The following DHX57 variants were observed in gnomAD, a reference collection of about 807,000 sequenced individuals.
DHX57 encodes putative ATP-dependent RNA helicase DHX57.
DHX57 carries 105 observed loss-of-function variants against 156.2 expected under a neutral mutation model. The ratio of observed to expected loss-of-function variants is 0.67; its 90% CI spans 0.57 to 0.79. The LOEUF (loss-of-function observed/expected upper bound fraction) is 0.79, where lower values mean the gene tolerates loss of function less well. Among genes scored for constraint, DHX57 ranks in the 30% least tolerant of loss-of-function variants. DHX57 has a pLI of 0.00. For synonymous variants in DHX57, 704 were observed against 595.6 expected (o/e 1.18, Z -2.65); for missense variants, 1,847 against 1,661.9 (o/e 1.11, Z -1.94).
intron 12 of DHX57, among the ~76,000 whole-genome samples, chr2:38,840,022 C>T (rs1036883104): frequency 7.0e-4 from 107 of 152,286 alleles, no homozygotes; most frequent in African/African-American, 2.3e-3. Flanking sequence ...TCATGGCTTA[C>T]TGCAGCCTTG....
chr2:38,832,526 T>C (rs1231777600), intron 13 of DHX57, among the ~76,000 whole-genome samples: 5 of 138,144 alleles, frequency 3.6e-5, no homozygotes, highest in Non-Finnish European at 7.6e-5. Flanking sequence ...TATGATCACA[T>C]AGATTAATAT....
chr2:38,809,275 G>A (rs3112214), intron 21 of DHX57, among the ~76,000 whole-genome samples: 142,175 of 151,756 alleles, frequency 0.94, 67,295 homozygotes, highest in East Asian at 1. Context: ...ATGTACCACC[G>A]TGCCTGGCTA....
In DHX57 at chr2:38,861,832, C is replaced by T. The variant is rs1673240556; in HGVS notation, c.578G>A (p.Gly193Asp). The change falls in exon 5 of 24, where the codon GGT becomes GAT. Residue 193 changes from glycine (G) to aspartate (D), a missense_variant. By Grantham distance (94) the Gly-to-Asp change is moderately conservative. Transcript: ENST00000457308. ...PFAVQKLSRY[G>D]FNTERCQAVL... The stretch of plus-strand genomic sequence containing the variant: ...CGCTTGACAGCGTTCAGTATTGAAA[C>T]CATACCTGTCAAGGGCAAAACATGA... 1.9e-6 allele frequency: 3 copies of T among 1,590,550 alleles called. No homozygotes were observed. The highest frequency in any genetic ancestry group is 2.6e-6 in the Non-Finnish European group (3 of 1,168,154).
chr2:38,862,162 T>C lies in DHX57; in HGVS notation c.555A>G (p.Ala185=). 1 of 1,596,838 alleles carries C rather than the reference T, an allele frequency of 6.3e-7. No homozygotes were observed. The highest frequency in any genetic ancestry group is 8.5e-7 in the Non-Finnish European group (1 of 1,170,798). The change falls in exon 4 of 24, where the codon GCA becomes GCG. Residue 185 remains alanine, a synonymous_variant. Transcript: ENST00000457308. The part of the protein sequence containing the change: ...YVPEFTVSPF[A]VQKLSRYGFN... ...GCAATCACCTGGAAAGTTTTTGCAC[T>C]GCAAATGGGGAGACTGTAAATTCTG...
At chr2:38,803,287 T>C (rs933449648) in intron 22 of DHX57, among the ~76,000 whole-genome samples, 5 of 151,802 alleles carry the variant, frequency 3.3e-5, no homozygotes, top group African/African-American at 1.2e-4. Context: ...CCAGATGGAA[T>C]TCTTGATTCT....
At chr2:38,832,847 T>C (rs1671453340) in intron 13 of DHX57, among the ~76,000 whole-genome samples, 2 of 152,012 alleles carry the variant, frequency 1.3e-5, no homozygotes, top group African/African-American at 4.8e-5. Flanking sequence ...CAACATAAAG[T>C]AATTTTTTGA....
intron 10 of DHX57, among the ~76,000 whole-genome samples, chr2:38,847,865 T>C (rs1338701423): frequency 3.3e-5 from 5 of 151,976 alleles, no homozygotes; most frequent in African/African-American, 1.2e-4. Flanking sequence ...GGGCAGATCG[T>C]GAGGTCAGGA....
chr2:38,812,447 T>G (rs1670297528), intron 21 of DHX57, among the ~76,000 whole-genome samples: 1 of 152,214 alleles, frequency 6.6e-6, no homozygotes, highest in Non-Finnish European at 1.5e-5. Context: ...TAGGGATGGA[T>G]AATCAAAACT....
chr2:38,807,678 G>C (rs564610157), intron 21 of DHX57, among the ~76,000 whole-genome samples: 1 of 139,102 alleles, frequency 7.2e-6, no homozygotes, highest in East Asian at 2.2e-4. Flanking sequence ...ACGGAGTTTC[G>C]CTCTTGTTGC....
intron 6 of DHX57, 42 bp from the exon 7 acceptor site, chr2:38,856,503 CTTTT>C (rs372510406): frequency 2.9e-3 from 4,018 of 1,372,316 alleles, no homozygotes; most frequent in East Asian, 7.8e-3. Flanking sequence ...GTTACTTTTT[CTTTT>C]TTTTTTTTTT....
chr2:38,862,276 C>A lies in DHX57; in HGVS notation c.441G>T (p.Arg147=), dbSNP rs1181542907. The A allele has an allele frequency of 9.9e-6, 16 of 1,611,992 alleles. No homozygotes were observed. The highest frequency in any genetic ancestry group is 1.7e-5 in the Admixed American group (1 of 59,950). Residue 147 remains arginine (R), a synonymous_variant, in exon 4 of 24, where the codon CGG becomes CGT. Coordinates refer to ENST00000457308, the MANE Select transcript of DHX57 (RefSeq NM_198963.3). ...DDEPDCCNDE[R]YWPAGQEPSL... Reference sequence around the variant, plus strand: ...AAGGTTCCTGTCCAGCTGGCCAGTACCGCTCATCGTTACAGCAATCAGGCT... The same window carrying A: ...AAGGTTCCTGTCCAGCTGGCCAGTAACGCTCATCGTTACAGCAATCAGGCT...
intron 1 of DHX57, among the ~76,000 whole-genome samples, chr2:38,873,675 C>T (rs183130974): frequency 6.6e-5 from 10 of 152,238 alleles, no homozygotes; most frequent in African/African-American, 2.2e-4. Context: ...ATTCATTCCA[C>T]AAATATTTAT....
Position 38,823,203 on chromosome 2 carries a change from A to G in DHX57, c.3081T>C (p.Pro1027=). 1 of 1,614,162 alleles carries G rather than the reference A, an allele frequency of 6.2e-7. No individual in the cohort carries two copies. The highest frequency in any genetic ancestry group is 8.5e-7 in the Non-Finnish European group (1 of 1,180,020). Residue 1027 remains proline (P), a synonymous_variant, in exon 17 of 24, where the codon CCT becomes CCC. Transcript: ENST00000457308. The stretch of plus-strand genomic sequence containing the variant: ...AGGCACGAAGAGAATCGGTGTGTGG[A>G]GGTTCAATGAGCCGAGAGAACACAG... ...LQSVFSRLIE[P]PHTDSLRASK...
At chr2:38,802,597 C>T (rs1342851859) in intron 23 of DHX57, 118 bp downstream of exon 23, 1 of 1,297,760 alleles carries the variant, frequency 7.7e-7, no homozygotes, top group Non-Finnish European at 1.1e-6. Flanking sequence ...CACCGTCATT[C>T]ATTTTTAATT....
chr2:38,867,575 T>A (rs575723550), intron 2 of DHX57, among the ~76,000 whole-genome samples: 1 of 152,178 alleles, frequency 6.6e-6, no homozygotes, highest in Non-Finnish European at 1.5e-5. Flanking sequence ...TGTTTGTTTT[T>A]TGAGATGGAG....
rs1008697501 is a variant in DHX57, at chr2:38,873,685, T to C, written c.-7+2102A>G. 3.3e-5 allele frequency among the ~76,000 whole-genome samples: 5 copies of C among 152,374 alleles called. No individual in the cohort carries two copies. The East Asian group carries it at 5.8e-4, about 18-fold the overall frequency. ...TATTTATTCATTCCACAAATATTTA[T>C]TGAGCACTTATTATGTGCCAGATCC... On this transcript the variant is annotated intron_variant, in intron 1 of 23. Transcript: ENST00000457308.
In DHX57 at chr2:38,875,793, C is replaced by T. The variant is rs1665588140; in HGVS notation, c.-13G>A. On this transcript the variant is annotated 5_prime_UTR_variant, in exon 1 of 24. Coordinates refer to ENST00000457308, the MANE Select transcript of DHX57 (RefSeq NM_198963.3). ...GCAGAAGTGGAAGACGTACCTGGCTCGCAGAGTTGGGTCCCGAGCCGGCTG... is the reference window on the plus strand; with the variant it reads ...GCAGAAGTGGAAGACGTACCTGGCTTGCAGAGTTGGGTCCCGAGCCGGCTG... 5.3e-6 allele frequency: 2 copies of T among 377,760 alleles called. No individual in the cohort carries two copies. The highest frequency in any genetic ancestry group is 7.6e-5 in the East Asian group (2 of 26,426). The allele number at this position is 377,760 out of a possible 1,614,324, so 23.4% of individuals were successfully genotyped here.
At chr2:38,846,951 G>A (rs1672319620) in intron 11 of DHX57, 68 bp downstream of exon 11, 2 of 1,392,968 alleles carry the variant, frequency 1.4e-6, no homozygotes, top group Admixed American at 1.8e-5. Context: ...CTTCCAAAGT[G>A]CTAGAATTAC....
chr2:38,863,960 C>A (rs1664907824), intron 2 of DHX57, among the ~76,000 whole-genome samples: 1 of 151,496 alleles, frequency 6.6e-6, no homozygotes, highest in Admixed American at 6.6e-5. Context: ...TGCAGTAAGC[C>A]AAGATTGTGC....
Sources: gnomAD v4.1 joint callset for allele counts (sites outside exome capture counted in the v4.1 genomes callset) on GRCh38, gnomAD v4.1.1 for gene constraint, MANE v1.5 for transcripts, NCBI Gene and HGNC (gene_info 2026-07-23, HGNC 2026-07-21) for gene names.